Variants in EHMT1 observed in about 807,000 individuals in gnomAD.
The protein encoded by EHMT1 is euchromatic histone lysine methyltransferase 1.
In EHMT1, 15 loss-of-function variants were observed where a neutral mutation model predicts 147.2. The observed-to-expected ratio is 0.10, with a 90% CI of 0.07 to 0.16. EHMT1 has a LOEUF of 0.16. Among genes scored for constraint, EHMT1 ranks in the 10% least tolerant of loss-of-function variants. The pLI is 1.00. For missense variants in EHMT1, 1,587 were observed against 1,772.4 expected, an observed-to-expected ratio of 0.90 and a Z score of 1.88; for synonymous variants, 795 against 709.6, an observed-to-expected ratio of 1.12 and a Z score of -1.91.
chr9:137,697,940 C>T (rs556989938), intron 1 of EHMT1, among the ~76,000 whole-genome samples: 19 of 151,432 alleles, frequency 1.3e-4, no homozygotes, highest in African/African-American at 4.4e-4. Flanking sequence ...GTGAGGGCAG[C>T]GTGTGAGGGC....
intron 18 of EHMT1, among the ~76,000 whole-genome samples, chr9:137,804,192 G>A (rs983103347): frequency 5.9e-5 from 9 of 152,140 alleles, no homozygotes; most frequent in African/African-American, 2.2e-4. Context: ...TTGACACATG[G>A]GGATTACAAT....
At chr9:137,814,580 G>T in intron 22 of EHMT1, 72 bp downstream of exon 22, 1 of 1,538,060 alleles carries the variant, frequency 6.5e-7, no homozygotes, top group Non-Finnish European at 8.9e-7. Flanking sequence ...AACAGTGCAG[G>T]CGTCTGTGAC....
intron 1 of EHMT1, among the ~76,000 whole-genome samples, chr9:137,707,035 G>A (rs1223584148): frequency 2.0e-5 from 3 of 152,182 alleles, no homozygotes; most frequent in Admixed American, 1.3e-4. Context: ...ATGTTGGCCA[G>A]ACTGGTCTCC....
intron 1 of EHMT1, among the ~76,000 whole-genome samples, chr9:137,620,626 C>G (rs1315626530): frequency 6.6e-6 from 1 of 152,104 alleles, no homozygotes; most frequent in African/African-American, 2.4e-5. Flanking sequence ...CTTTTGGACT[C>G]CAGCGATCTG....
At position 137,689,014 on chromosome 9, in the gene EHMT1, G is replaced by C. The variant is rs557937531; in HGVS notation, c.22-21953G>C. On this transcript the variant is annotated intron_variant, in intron 1 of 26. Transcript: ENST00000460843. ...TGACTGCTTGTTCTCCATCCCCCAG[G>C]AGTGACTGACAGTGACCGCTTGTTC... 1.1e-4 allele frequency among the ~76,000 whole-genome samples: 17 copies of C among 152,270 alleles called. No individual in the cohort carries two copies. In the East Asian group the frequency reaches 3.3e-3, roughly 29 times the overall value.
At chr9:137,755,262 C>T (rs1949294390) in intron 8 of EHMT1, among the ~76,000 whole-genome samples, 1 of 152,184 alleles carries the variant, frequency 6.6e-6, no homozygotes, top group Non-Finnish European at 1.5e-5. Flanking sequence ...CTTCCCTGCT[C>T]CCAGGCAGCC....
intron 25 of EHMT1, among the ~76,000 whole-genome samples, chr9:137,833,225 C>A (rs1362380060): frequency 6.6e-6 from 1 of 152,220 alleles, no homozygotes; most frequent in East Asian, 1.9e-4. Context: ...GCCGGCAGGC[C>A]CCGCCCTCTC....
chr9:137,705,679 G>A (rs1944206068), intron 1 of EHMT1, among the ~76,000 whole-genome samples: 1 of 152,200 alleles, frequency 6.6e-6, no homozygotes, highest in African/African-American at 2.4e-5. Context: ...ACGCGGAAGG[G>A]GAGGAGGGGT....
rs774899103 is a variant in EHMT1, at chr9:137,743,361, T to C, written c.824-10T>C. On this transcript the variant is annotated splice_polypyrimidine_tract_variant and intron_variant, in intron 4 of 26. Transcript: ENST00000460843. ...TCTTGTCCCCTTTTGACTTTTTTTT[T>C]TTTTTTTAGCTTGCTTGCCTTTTGT... 88 of 1,568,364 alleles carry C rather than the reference T, an allele frequency of 5.6e-5. No individual in the cohort carries two copies. Among genetic ancestry groups the C allele is most frequent in the Non-Finnish European group, 7.5e-5 (87 of 1,163,828 alleles).
At chr9:137,802,689 A>G in intron 18 of EHMT1, 1 of 592,610 alleles carries the variant, frequency 1.7e-6, no homozygotes. Context: ...ACCTAGAAAC[A>G]GGGACCACTG....
intron 8 of EHMT1, among the ~76,000 whole-genome samples, chr9:137,756,306 C>G (rs1435723588): frequency 6.6e-6 from 1 of 152,236 alleles, no homozygotes; most frequent in Non-Finnish European, 1.5e-5. Context: ...TGTTGACATT[C>G]AGTGTGTGGG....
intron 6 of EHMT1, among the ~76,000 whole-genome samples, chr9:137,748,203 C>T (rs1948703821): frequency 6.6e-6 from 1 of 152,044 alleles, no homozygotes; most frequent in Non-Finnish European, 1.5e-5. Context: ...GTGATGGCGG[C>T]TTTGCTGTGG....
chr9:137,802,183 T>C (rs2137416255), intron 18 of EHMT1, among the ~76,000 whole-genome samples: 1 of 152,228 alleles, frequency 6.6e-6, no homozygotes, highest in Middle Eastern at 3.4e-3. Flanking sequence ...GGGGGCTGGG[T>C]GTGGCACTGG....
chr9:137,709,302 G>C (rs565817004), intron 1 of EHMT1, among the ~76,000 whole-genome samples: 4 of 152,324 alleles, frequency 2.6e-5, no homozygotes, highest in Non-Finnish European at 5.9e-5. Context: ...AGGAAAGGTA[G>C]CGTGCTCTGC....
At chr9:137,797,967 T>G (rs1242258443) in intron 16 of EHMT1, among the ~76,000 whole-genome samples, 1 of 152,240 alleles carries the variant, frequency 6.6e-6, no homozygotes, top group Non-Finnish European at 1.5e-5. Flanking sequence ...CTGCCTCTTC[T>G]GGAGCTTCCT....
intron 17 of EHMT1, among the ~76,000 whole-genome samples, chr9:137,799,558 A>C (rs1370766281): frequency 6.6e-6 from 1 of 152,208 alleles, no homozygotes; most frequent in African/African-American, 2.4e-5. Flanking sequence ...CTCAGCATGC[A>C]CTGGGAGTCC....
chr9:137,806,692 C>T (rs945299658), intron 18 of EHMT1, among the ~76,000 whole-genome samples: 3 of 152,248 alleles, frequency 2.0e-5, no homozygotes, highest in African/African-American at 7.2e-5. Flanking sequence ...CTCGGACTCC[C>T]AAAGTGCTGG....
intron 1 of EHMT1, among the ~76,000 whole-genome samples, chr9:137,625,863 GT>G (rs1006337346): frequency 1.4e-5 from 2 of 147,926 alleles, no homozygotes; most frequent in African/African-American, 2.5e-5. Context: ...TTTTGTTTTT[GT>G]TTTTTTTTGA....
Position 137,801,127 on chromosome 9 carries a change from G to T in EHMT1, c.2712+143G>T, listed in dbSNP as rs568730664. The T allele has an allele frequency of 1.9e-5, 14 of 741,044 alleles. 1 individual carries two copies. In the East Asian group the frequency reaches 3.8e-4, roughly 20 times the overall value. The allele number at this position is 741,044 out of a possible 1,614,324, so 45.9% of individuals were successfully genotyped here. On this transcript the variant is annotated intron_variant, in intron 18 of 26. Coordinates refer to ENST00000460843, the MANE Select transcript of EHMT1 (RefSeq NM_024757.5). ...CCTGTGGCAGCATCGGCCCGGCACTGTGCTGTGGCTGTCCTGTGCTGGATG... is the reference window on the plus strand; with the variant it reads ...CCTGTGGCAGCATCGGCCCGGCACTTTGCTGTGGCTGTCCTGTGCTGGATG...
Sources: allele counts gnomAD v4.1 joint callset (sites outside exome capture counted in the v4.1 genomes callset), GRCh38; gene constraint gnomAD v4.1.1; transcripts MANE v1.5; gene names NCBI Gene and HGNC (gene_info 2026-07-23, HGNC 2026-07-21).